Variants in CTDSPL observed in about 807,000 individuals in gnomAD.
CTDSPL encodes CTD small phosphatase like, also known as CTD small phosphatase-like protein.
Under a neutral mutation model 30.5 loss-of-function variants are expected in CTDSPL, and 8 were observed. The ratio of observed to expected loss-of-function variants is 0.26; its 90% CI spans 0.15 to 0.47. CTDSPL has a LOEUF of 0.47. Among genes scored for constraint, CTDSPL ranks in the 20% least tolerant of loss-of-function variants. CTDSPL has a pLI of 0.99. For missense variants in CTDSPL, 248 were observed against 366.1 expected (o/e 0.68, Z 2.63); for synonymous variants, 110 against 137.9 (o/e 0.80, Z 1.42).
intron 2 of CTDSPL, among the ~76,000 whole-genome samples, chr3:37,956,497 A>G (rs1418067177): frequency 6.6e-6 from 1 of 152,186 alleles, no homozygotes; most frequent in African/African-American, 2.4e-5. Flanking sequence ...GCTGAGGAAT[A>G]TTTGAGGCCT....
chr3:37,938,538 G>A (rs1485093452), intron 1 of CTDSPL, among the ~76,000 whole-genome samples: 2 of 149,958 alleles, frequency 1.3e-5, no homozygotes, highest in Admixed American at 1.3e-4. Flanking sequence ...ACCCAGTTGT[G>A]CCTCCATCTG....
chr3:37,964,997 T>C (rs1699284152), intron 4 of CTDSPL, among the ~76,000 whole-genome samples: 1 of 152,208 alleles, frequency 6.6e-6, no homozygotes, highest in African/African-American at 2.4e-5. Flanking sequence ...GGATACTGTT[T>C]ATATTTGTCA....
intron 5 of CTDSPL, among the ~76,000 whole-genome samples, chr3:37,968,895 T>C (rs1393141656): frequency 6.6e-6 from 1 of 152,218 alleles, no homozygotes; most frequent in East Asian, 1.9e-4. Context: ...GCTCTTTTCC[T>C]GATACGCAAG....
intron 1 of CTDSPL, among the ~76,000 whole-genome samples, chr3:37,890,028 A>G (rs1471149144): frequency 6.6e-6 from 1 of 152,260 alleles, no homozygotes; most frequent in African/African-American, 2.4e-5. Context: ...GGAAATAAAT[A>G]AAAAACAGAG....
chr3:37,947,597 T>G (rs1001740002), intron 2 of CTDSPL, among the ~76,000 whole-genome samples: 1 of 152,154 alleles, frequency 6.6e-6, no homozygotes, highest in South Asian at 2.1e-4. Flanking sequence ...TATGTGATAG[T>G]ATGTGTACAG....
intron 1 of CTDSPL, among the ~76,000 whole-genome samples, chr3:37,887,098 T>C (rs1393033768): frequency 6.6e-6 from 1 of 152,232 alleles, no homozygotes; most frequent in Non-Finnish European, 1.5e-5. Flanking sequence ...GTCACGGCAG[T>C]GGCTCAGTAC....
Position 37,938,302 on chromosome 3 carries a change from G to A in CTDSPL, c.80-8755G>A, listed in dbSNP as rs1698937375. On this transcript the variant is annotated intron_variant, in intron 1 of 7. Coordinates refer to ENST00000273179, the MANE Select transcript of CTDSPL (RefSeq NM_001008392.2). Reference sequence around the variant, plus strand: ...TCAGAGGTTTGGGTCCTGAAGCCAGGGGTTAAGGATGGTTCCAAAGCCTCC... The same window carrying A: ...TCAGAGGTTTGGGTCCTGAAGCCAGAGGTTAAGGATGGTTCCAAAGCCTCC... Among the ~76,000 whole-genome samples, 2 of 150,018 alleles carry A rather than the reference G, an allele frequency of 1.3e-5. 1 individual carries two copies. Among genetic ancestry groups the A allele is most frequent in the Non-Finnish European group, 3.0e-5 (2 of 66,962 alleles).
intron 1 of CTDSPL, among the ~76,000 whole-genome samples, chr3:37,929,922 A>G (rs1168223431): frequency 1.3e-5 from 2 of 152,138 alleles, no homozygotes; most frequent in Non-Finnish European, 2.9e-5. Context: ...AGCCTGACCA[A>G]CATGATGAAA....
intron 1 of CTDSPL, among the ~76,000 whole-genome samples, chr3:37,912,647 G>A (rs1256956321): frequency 6.6e-6 from 1 of 152,216 alleles, no homozygotes; most frequent in Non-Finnish European, 1.5e-5. Flanking sequence ...TATTTTGAAG[G>A]GAACTTGGCA....
intron 1 of CTDSPL, among the ~76,000 whole-genome samples, chr3:37,890,255 A>T (rs1698310088): frequency 6.6e-6 from 1 of 152,250 alleles, no homozygotes; most frequent in Non-Finnish European, 1.5e-5. Flanking sequence ...GATGCATAGA[A>T]TATTAAGCAA....
chr3:37,900,049 G>A (rs569189439), intron 1 of CTDSPL, among the ~76,000 whole-genome samples: 2 of 152,144 alleles, frequency 1.3e-5, no homozygotes, highest in Non-Finnish European at 2.9e-5. Flanking sequence ...CTTGCCTGGG[G>A]CCTTTAATCA....
intron 5 of CTDSPL, chr3:37,969,480 C>A (rs747746725): frequency 2.0e-6 from 1 of 489,644 alleles, no homozygotes; most frequent in Non-Finnish European, 4.2e-6. Flanking sequence ...CACGGGGACG[C>A]GGGCCTGGAC....
intron 1 of CTDSPL, among the ~76,000 whole-genome samples, chr3:37,946,590 A>T (rs1431226343): frequency 1.3e-5 from 2 of 152,184 alleles, no homozygotes; most frequent in African/African-American, 4.8e-5. Flanking sequence ...TGAGCAGGGG[A>T]TGTCCAAGAA....
At chr3:37,884,479 A>G (rs1216879849) in intron 1 of CTDSPL, among the ~76,000 whole-genome samples, 3 of 152,220 alleles carry the variant, frequency 2.0e-5, no homozygotes, top group African/African-American at 4.8e-5. Context: ...ATTGTTTAAG[A>G]TGTTTGCATG....
chr3:37,971,404 C>T lies in CTDSPL; in HGVS notation c.427-3C>T, dbSNP rs1191089108. The T allele has an allele frequency of 6.2e-7, 1 of 1,613,530 alleles. No homozygotes were observed. The highest frequency in any genetic ancestry group is 1.3e-5 in the African/African-American group (1 of 74,942). On this transcript the variant is annotated splice_region_variant and splice_polypyrimidine_tract_variant and intron_variant, in intron 5 of 7. Transcript: ENST00000273179. The stretch of plus-strand genomic sequence containing the variant: ...ACCAGCCTGCTGTCTCCTGCCATTG[C>T]AGGTGTATGTGCTGAAGCGGCCACA...
intron 1 of CTDSPL, among the ~76,000 whole-genome samples, chr3:37,933,726 A>G (rs1698882662): frequency 6.6e-6 from 1 of 152,236 alleles, no homozygotes; most frequent in African/African-American, 2.4e-5. Flanking sequence ...TAAGTATTAA[A>G]TGAGTCAAGA....
At chr3:37,878,058 G>A (rs1698158743) in intron 1 of CTDSPL, among the ~76,000 whole-genome samples, 1 of 152,116 alleles carries the variant, frequency 6.6e-6, no homozygotes, top group Admixed American at 6.5e-5. Context: ...GTGCACAGGG[G>A]TTTCAGTGTC....
chr3:37,922,162 G>C (rs1054922956), intron 1 of CTDSPL, among the ~76,000 whole-genome samples: 6 of 150,952 alleles, frequency 4.0e-5, no homozygotes, highest in Admixed American at 3.9e-4. Flanking sequence ...TTGAACCTGG[G>C]AGGTGGAGGT....
intron 1 of CTDSPL, among the ~76,000 whole-genome samples, chr3:37,906,093 A>G (rs1412887640): frequency 6.6e-6 from 1 of 152,062 alleles, no homozygotes; most frequent in African/African-American, 2.4e-5. Flanking sequence ...TGCCCTCCAC[A>G]TCTACTCTCT....
Sources: gnomAD v4.1 joint callset for allele counts (sites outside exome capture counted in the v4.1 genomes callset) on GRCh38, gnomAD v4.1.1 for gene constraint, MANE v1.5 for transcripts, NCBI Gene and HGNC (gene_info 2026-07-23, HGNC 2026-07-21) for gene names.